OR7G1: variants seen among roughly 807,000 people sequenced by gnomAD.
OR7G1 encodes the protein olfactory receptor 7G1.
For synonymous variants in OR7G1, 142 were observed against 138.5 expected, an observed-to-expected ratio of 1.02 and a Z score of -0.18; for missense variants, 385 against 365.6, an observed-to-expected ratio of 1.05 and a Z score of -0.43.
At position 9,115,595 on chromosome 19, in the gene OR7G1, T is replaced by C; in HGVS notation, c.169A>G (p.Thr57Ala). The C allele has an allele frequency of 6.2e-7, 1 of 1,613,508 alleles. No homozygotes were observed. The highest frequency in any genetic ancestry group is 8.5e-7 in the Non-Finnish European group (1 of 1,179,876). The change falls in exon 1 of 1, where the codon ACC (threonine) becomes GCC (alanine). Residue 57 changes from threonine to alanine, a missense_variant. Coordinates refer to ENST00000541538, the MANE Select transcript of OR7G1 (RefSeq NM_001005192.2). ...TTAAAGAGAAGGAAGTACATGGGGG[T>C]GTGGAGGTGGGAGTCAGAGATGACA... is the stretch of plus-strand genomic sequence containing the variant. ...LAVISDSHLHTPMYFLLFNLS... is the reference protein window; with the variant it reads ...LAVISDSHLHAPMYFLLFNLS...
rs557127221 is a variant in OR7G1 at position 9,114,974 on chromosome 19, C to G, written c.790G>C (p.Val264Leu). ...TAFGVYISSAVAESSRITAVA... is the reference protein window; with the variant it reads ...TAFGVYISSALAESSRITAVA... Reference sequence around the variant, plus strand: ...GCAGTAATTCGGGAAGACTCAGCAACAGCAGAACTAATGTACACCCCAAAA... The same window carrying G: ...GCAGTAATTCGGGAAGACTCAGCAAGAGCAGAACTAATGTACACCCCAAAA... The change falls in exon 1 of 1, where the codon GTT becomes CTT. Residue 264 changes from valine (V) to leucine (L), a missense_variant. By Grantham distance (32) the Val-to-Leu change is conservative. Transcript: ENST00000541538. The G allele has an allele frequency of 4.0e-5, 65 of 1,614,108 alleles. No homozygotes were observed. The East Asian group carries it at 1.4e-3, about 36-fold the overall frequency.
In OR7G1 at chr19:9,115,421, G is replaced by C; in HGVS notation, c.343C>G (p.Leu115Val). ...TAGCGGTCGTAGGCCATGACTGCAAGAAAGCAACTTTCCAAGCCAGCAAAA... is the reference window on the plus strand; with the variant it reads ...TAGCGGTCGTAGGCCATGACTGCAACAAAGCAACTTTCCAAGCCAGCAAAA... ...LVFAGLESCF[L>V]AVMAYDRYVA... The change falls in exon 1 of 1, where the codon CTT (leucine) becomes GTT (valine). Residue 115 changes from leucine to valine, a missense_variant. By Grantham distance (32) the Leu-to-Val change is conservative (BLOSUM62 1). Transcript: ENST00000541538. 1.2e-6 allele frequency: 2 copies of C among 1,614,176 alleles called. No individual in the cohort carries two copies. The highest frequency in any genetic ancestry group is 1.7e-6 in the Non-Finnish European group (2 of 1,180,036).
rs2050446038 is a variant in OR7G1, at chr19:9,115,675, A to T, written c.89T>A (p.Leu30Gln). The stretch of plus-strand genomic sequence containing the variant: ...GGTGACCAGGTACATGGACAGGAAC[A>T]GGCTGAAAGGGATTAACTTCAGTTC... ...DPELKLIPFS[L>Q]FLSMYLVTIL... is the part of the protein sequence containing the mutation. The change falls in exon 1 of 1, where the codon CTG (leucine) becomes CAG (glutamine). Residue 30 changes from leucine to glutamine, a missense_variant. Coordinates refer to ENST00000541538, the MANE Select transcript of OR7G1 (RefSeq NM_001005192.2). 1 of 1,611,898 alleles carries T rather than the reference A, an allele frequency of 6.2e-7. No individual in the cohort carries two copies. Among genetic ancestry groups the T allele is most frequent in the Non-Finnish European group, 8.5e-7 (1 of 1,178,812 alleles).
At position 9,114,850 on chromosome 19, in the gene OR7G1, A is replaced by G. The variant is rs1222278820; in HGVS notation, c.914T>C (p.Ile305Thr). Reference sequence around the variant, plus strand: ...TCGCTAAAAAGGAAACAGCCTACCAATAAGTTTCCTCAAAGCTTTCTTCAT... The same window carrying G: ...TCGCTAAAAAGGAAACAGCCTACCAGTAAGTTTCCTCAAAGCTTTCTTCAT... ...KEMKKALRKL[I>T]GRLFPF is the part of the protein sequence containing the mutation. The change falls in exon 1 of 1, where the codon ATT (isoleucine) becomes ACT (threonine). Residue 305 changes from isoleucine to threonine, a missense_variant. Coordinates refer to ENST00000541538, the MANE Select transcript of OR7G1 (RefSeq NM_001005192.2). 1 of 1,609,414 alleles carries G rather than the reference A, an allele frequency of 6.2e-7. No individual in the cohort carries two copies.
Position 9,115,157 on chromosome 19 carries a change from T to C in OR7G1, c.607A>G (p.Ser203Gly), listed in dbSNP as rs1055819610. 6.2e-7 allele frequency: 1 copy of C among 1,613,870 alleles called. No homozygotes were observed. The highest frequency in any genetic ancestry group is 1.3e-5 in the African/African-American group (1 of 74,912). Residue 203 changes from serine to glycine, a missense_variant, in exon 1 of 1, where the codon AGT (serine) becomes GGT (glycine). By Grantham distance (56) the Ser-to-Gly change is moderately conservative. Coordinates refer to ENST00000541538, the MANE Select transcript of OR7G1 (RefSeq NM_001005192.2). ...LINNILIYFA[S>G]SVFGAIPLSG... ...AGAGGAATTGCACCAAATACACTACTTGCAAAATATATGAGGATGTTGTTG... is the reference window on the plus strand; with the variant it reads ...AGAGGAATTGCACCAAATACACTACCTGCAAAATATATGAGGATGTTGTTG...
Position 9,115,175 on chromosome 19 carries a change from T to G in OR7G1, c.589A>C (p.Ile197Leu), listed in dbSNP as rs1360021165. Residue 197 changes from isoleucine (I) to leucine (L), a missense_variant, in exon 1 of 1, where the codon ATC (isoleucine) becomes CTC (leucine). Transcript: ENST00000541538. The part of the protein sequence containing the change: ...LACSDTLINN[I>L]LIYFASSVFG... Reference sequence around the variant, plus strand: ...ACACTACTTGCAAAATATATGAGGATGTTGTTGATGAGGGTGTCAGAACAG... The same window carrying G: ...ACACTACTTGCAAAATATATGAGGAGGTTGTTGATGAGGGTGTCAGAACAG... 6.2e-7 allele frequency: 1 copy of G among 1,611,442 alleles called. No homozygotes were observed. Among genetic ancestry groups the G allele is most frequent in the Admixed American group, 1.7e-5 (1 of 59,984 alleles).
Position 9,115,118 on chromosome 19 carries a change from A to C in OR7G1, c.646T>G (p.Phe216Val). The C allele has an allele frequency of 6.2e-7, 1 of 1,614,112 alleles. No individual in the cohort carries two copies. The highest frequency in any genetic ancestry group is 8.5e-7 in the Non-Finnish European group (1 of 1,179,954). The change falls in exon 1 of 1, where the codon TTC (phenylalanine) becomes GTC (valine). Residue 216 changes from phenylalanine (F) to valine (V), a missense_variant. Phe to Val is a conservative substitution (Grantham distance 50, BLOSUM62 -1). Coordinates refer to ENST00000541538, the MANE Select transcript of OR7G1 (RefSeq NM_001005192.2). ...GAGGTGACTATTTGAGAATAAGAGA[A>C]AATTATTCCAGAGAGAGGAATTGCA... Reference protein sequence around the residue: ...FGAIPLSGIIFSYSQIVTSVL... With the variant: ...FGAIPLSGIIVSYSQIVTSVL...
At position 9,115,705 on chromosome 19, in the gene OR7G1, T is replaced by C. The variant is rs762813037; in HGVS notation, c.59A>G (p.Asp20Gly). The change falls in exon 1 of 1, where the codon GAC becomes GGC. Residue 20 changes from aspartate to glycine, a missense_variant. Transcript: ENST00000541538. ...SEFLLMKVTE[D>G]PELKLIPFSL... Reference sequence around the variant, plus strand: ...GAAAGGGATTAACTTCAGTTCTGGGTCCTCTGTCACTTTCATGAGAAGAAA... The same window carrying C: ...GAAAGGGATTAACTTCAGTTCTGGGCCCTCTGTCACTTTCATGAGAAGAAA... The C allele has an allele frequency of 6.3e-7, 1 of 1,575,802 alleles. No individual in the cohort carries two copies. Among genetic ancestry groups the C allele is most frequent in the East Asian group, 2.3e-5 (1 of 44,284 alleles).
Position 9,115,408 on chromosome 19 carries a change from G to A in OR7G1, c.356C>T (p.Ala119Val), listed in dbSNP as rs755978959. The A allele has an allele frequency of 1.2e-6, 2 of 1,614,024 alleles. No homozygotes were observed. The highest frequency in any genetic ancestry group is 2.7e-5 in the African/African-American group (2 of 74,912). ...GLESCFLAVM[A>V]YDRYVAICHP... Reference sequence around the variant, plus strand: ...GCAAATGGCCACATAGCGGTCGTAGGCCATGACTGCAAGAAAGCAACTTTC... The same window carrying A: ...GCAAATGGCCACATAGCGGTCGTAGACCATGACTGCAAGAAAGCAACTTTC... The change falls in exon 1 of 1, where the codon GCC becomes GTC. Residue 119 changes from alanine (A) to valine (V), a missense_variant. By Grantham distance (64) the Ala-to-Val change is moderately conservative. Coordinates refer to ENST00000541538, the MANE Select transcript of OR7G1 (RefSeq NM_001005192.2).
rs147554773 is a variant in OR7G1 at position 9,115,623 on chromosome 19, C to G, written c.141G>C (p.Leu47=). 5.6e-5 allele frequency: 91 copies of G among 1,614,044 alleles called. No homozygotes were observed. The East Asian group carries it at 9.6e-4, about 17-fold the overall frequency. ...GGAGGTGGGAGTCAGAGATGACAGC[C>G]AGGAGAATGAGCAGGTTCCCCAGGA... is the stretch of plus-strand genomic sequence containing the variant. The part of the protein sequence containing the change: ...VTILGNLLIL[L]AVISDSHLHT... The change falls in exon 1 of 1, where the codon CTG becomes CTC. Residue 47 remains leucine, a synonymous_variant. Transcript: ENST00000541538.
At position 9,115,489 on chromosome 19, in the gene OR7G1, A is replaced by G. The variant is rs1353772288; in HGVS notation, c.275T>C (p.Ile92Thr). ...LVNIQAQNQS[I>T]TYTGCLTQIC... ...CTGGGTGAGGCAGCCTGTGTAAGTG[A>G]TACTCTGATTCTGAGCTTGGATGTT... Residue 92 changes from isoleucine to threonine, a missense_variant, in exon 1 of 1, where the codon ATC (isoleucine) becomes ACC (threonine). By Grantham distance (89) the Ile-to-Thr change is moderately conservative. Transcript: ENST00000541538. 6.2e-7 allele frequency: 1 copy of G among 1,614,092 alleles called. No homozygotes were observed. The highest frequency in any genetic ancestry group is 8.5e-7 in the Non-Finnish European group (1 of 1,180,038).
Position 9,115,747 on chromosome 19 carries a change from T to C in OR7G1, c.17A>G (p.Gln6Arg). Residue 6 changes from glutamine to arginine, a missense_variant, in exon 1 of 1, where the codon CAA (glutamine) becomes CGA (arginine). Physicochemically the swap from Gln to Arg is conservative, Grantham distance 43. Coordinates refer to ENST00000541538, the MANE Select transcript of OR7G1 (RefSeq NM_001005192.2). ...GAGAAGAAATTCTGAAACAGCTGTT[T>C]GGTTTCTGGGTCCCATGTTTTTGAT... is the stretch of plus-strand genomic sequence containing the variant. The part of the protein sequence containing the change: MGPRN[Q>R]TAVSEFLLMK... 1 of 1,536,468 alleles carries C rather than the reference T, an allele frequency of 6.5e-7. No individual in the cohort carries two copies. Among genetic ancestry groups the C allele is most frequent in the Non-Finnish European group, 8.8e-7 (1 of 1,142,308 alleles).
chr19:9,115,230 G>GA lies in OR7G1; in HGVS notation c.533dup (p.Cys179LeufsTer2). 1 of 1,614,174 alleles carries GA rather than the reference G, an allele frequency of 6.2e-7. No individual in the cohort carries two copies. Among genetic ancestry groups the GA allele is most frequent in the Non-Finnish European group, 8.5e-7 (1 of 1,180,036 alleles). ...GCTTGATGACCTGAACGACTTCACA[G>GA]AAGAACAAAGGGATTTCAACGTTTT... On this transcript the variant is annotated frameshift_variant, in exon 1 of 1. Transcript: ENST00000541538. LOFTEE classifies it low-confidence loss of function (END_TRUNC).
At position 9,115,003 on chromosome 19, in the gene OR7G1, G is replaced by A; in HGVS notation, c.761C>T (p.Thr254Ile). 1 of 1,614,156 alleles carries A rather than the reference G, an allele frequency of 6.2e-7. No individual in the cohort carries two copies. Among genetic ancestry groups the A allele is most frequent in the South Asian group, 1.1e-5 (1 of 91,084 alleles). ...AGAACTAATGTACACCCCAAAAGCT[G>A]TCCCATAGAACAAGGAAAAAACAGA... ...HLSVFSLFYG[T>I]AFGVYISSAV... Residue 254 changes from threonine (T) to isoleucine (I), a missense_variant, in exon 1 of 1, where the codon ACA (threonine) becomes ATA (isoleucine). Physicochemically the swap from Thr to Ile is moderately conservative, Grantham distance 89 (BLOSUM62 -1). Coordinates refer to ENST00000541538, the MANE Select transcript of OR7G1 (RefSeq NM_001005192.2).
At position 9,114,834 on chromosome 19, in the gene OR7G1, A is replaced by T; in HGVS notation, c.930T>A (p.Pro310=). 6.3e-7 allele frequency: 1 copy of T among 1,594,430 alleles called. No homozygotes were observed. Among genetic ancestry groups the T allele is most frequent in the Non-Finnish European group, 8.6e-7 (1 of 1,168,536 alleles). ...AAGCAGAGGACAAAGATCGCTAAAAAGGAAACAGCCTACCAATAAGTTTCC... is the reference window on the plus strand; with the variant it reads ...AAGCAGAGGACAAAGATCGCTAAAATGGAAACAGCCTACCAATAAGTTTCC... ...ALRKLIGRLF[P]F Residue 310 remains proline, a synonymous_variant, in exon 1 of 1, where the codon CCT becomes CCA. Transcript: ENST00000541538.
chr19:9,115,076 A>C lies in OR7G1; in HGVS notation c.688T>G (p.Ser230Ala), dbSNP rs928803255. 6 of 1,614,108 alleles carry C rather than the reference A, an allele frequency of 3.7e-6. No individual in the cohort carries two copies. Among genetic ancestry groups the C allele is most frequent in the Non-Finnish European group, 5.1e-6 (6 of 1,179,936 alleles). ...AACGCTTTATACTTTCCTCTTGCTG[A>C]TGGCATTCTCAGAACAGAGGTGACT... ...QIVTSVLRMP[S>A]ARGKYKAFST... is the part of the protein sequence containing the mutation. The change falls in exon 1 of 1, where the codon TCA (serine) becomes GCA (alanine). Residue 230 changes from serine (S) to alanine (A), a missense_variant. Coordinates refer to ENST00000541538, the MANE Select transcript of OR7G1 (RefSeq NM_001005192.2).
At position 9,115,307 on chromosome 19, in the gene OR7G1, T is replaced by G. The variant is rs567772763; in HGVS notation, c.457A>C (p.Thr153Pro). 17 of 1,614,096 alleles carry G rather than the reference T, an allele frequency of 1.1e-5. No homozygotes were observed. In the East Asian group the frequency reaches 3.1e-4, roughly 30 times the overall value. Residue 153 changes from threonine (T) to proline (P), a missense_variant, in exon 1 of 1, where the codon ACT (threonine) becomes CCT (proline). Physicochemically the swap from Thr to Pro is conservative, Grantham distance 38. Transcript: ENST00000541538. ...LLILLSMFMS[T>P]MDALVQSLMV... ...AGACTCTGAACCAGGGCATCCATAG[T>G]GCTCATGAACATGGAGAGAAGAATC...
Position 9,115,348 on chromosome 19 carries a change from T to C in OR7G1, c.416A>G (p.His139Arg). The change falls in exon 1 of 1, where the codon CAT becomes CGT. Residue 139 changes from histidine (H) to arginine (R), a missense_variant. By Grantham distance (29) the His-to-Arg change is conservative (BLOSUM62 0). Coordinates refer to ENST00000541538, the MANE Select transcript of OR7G1 (RefSeq NM_001005192.2). ...GAGAAGAATCAGCAAGCCCCAGAAATGGACATTCATGAGGACTGTGTACCT... is the reference window on the plus strand; with the variant it reads ...GAGAAGAATCAGCAAGCCCCAGAAACGGACATTCATGAGGACTGTGTACCT... Reference protein sequence around the residue: ...PLRYTVLMNVHFWGLLILLSM... With the variant: ...PLRYTVLMNVRFWGLLILLSM... 2 of 1,614,080 alleles carry C rather than the reference T, an allele frequency of 1.2e-6. No individual in the cohort carries two copies. The highest frequency in any genetic ancestry group is 1.7e-6 in the Non-Finnish European group (2 of 1,180,022).
In OR7G1 at chr19:9,115,220, C is replaced by A. The variant is rs147939135; in HGVS notation, c.544G>T (p.Val182Phe). ...VEIPLFFCEV[V>F]QVIKLACSDT... The stretch of plus-strand genomic sequence containing the variant: ...GAACAGGCGAGCTTGATGACCTGAA[C>A]GACTTCACAGAAGAACAAAGGGATT... Residue 182 changes from valine (V) to phenylalanine (F), a missense_variant, in exon 1 of 1, where the codon GTT (valine) becomes TTT (phenylalanine). By Grantham distance (50) the Val-to-Phe change is conservative. Coordinates refer to ENST00000541538, the MANE Select transcript of OR7G1 (RefSeq NM_001005192.2). The A allele has an allele frequency of 1.5e-5, 25 of 1,613,942 alleles. 1 individual carries two copies. The African/African-American group carries it at 2.7e-4, about 17-fold the overall frequency.
Sources: gnomAD v4.1 joint callset for allele counts on GRCh38, gnomAD v4.1.1 for gene constraint, MANE v1.5 for transcripts, NCBI Gene and HGNC (gene_info 2026-07-23, HGNC 2026-07-21) for gene names.